Variants in CNTN1 observed in about 807,000 individuals in gnomAD.
CNTN1 encodes contactin 1, also known as contactin-1.
Under a neutral mutation model 126.4 loss-of-function variants are expected in CNTN1, and 38 were observed. The observed-to-expected ratio is 0.30, with a 90% CI of 0.23 to 0.39. CNTN1 has a LOEUF of 0.39. Among genes scored for constraint, CNTN1 ranks in the 10% least tolerant of loss-of-function variants. CNTN1 has a pLI of 1.00. For synonymous variants in CNTN1, 413 were observed against 422.6 expected (o/e 0.98, Z 0.28); for missense variants, 1,009 against 1,248.4 (o/e 0.81, Z 2.89).
chr12:40,805,399 T>C (rs2136492255), intron 1 of CNTN1, among the ~76,000 whole-genome samples: 1 of 152,206 alleles, frequency 6.6e-6, no homozygotes, highest in Admixed American at 6.6e-5. Flanking sequence ...TCTATTAGGC[T>C]ATCCTTAAGT....
chr12:40,809,100 G>T (rs1940959697), intron 1 of CNTN1, among the ~76,000 whole-genome samples: 1 of 151,980 alleles, frequency 6.6e-6, no homozygotes, highest in Non-Finnish European at 1.5e-5. Context: ...ATTTCTAATT[G>T]AAATATTGTG....
Position 40,787,222 on chromosome 12 carries a change from C to T in CNTN1, c.-77+94630C>T, listed in dbSNP as rs543980244. The stretch of plus-strand genomic sequence containing the variant: ...AAACCTTTATCTTTATAACTTTTAT[C>T]TTATATAATTTTCGAACAATTCCAT... On this transcript the variant is annotated intron_variant, in intron 1 of 23. Transcript: ENST00000551295. 3.4e-4 allele frequency among the ~76,000 whole-genome samples: 52 copies of T among 152,146 alleles called. No individual in the cohort carries two copies. The South Asian group carries it at 8.9e-3, about 26-fold the overall frequency.
At chr12:40,848,881 ACTT>A (rs1942615447) in intron 1 of CNTN1, among the ~76,000 whole-genome samples, 2 of 150,064 alleles carry the variant, frequency 1.3e-5, no homozygotes, top group Admixed American at 6.6e-5. Context: ...GAGAAAAATC[ACTT>A]CTTTCCCTAT....
At position 40,767,304 on chromosome 12, in the gene CNTN1, C is replaced by CTTTTTTTTTTT. The variant is rs10639318; in HGVS notation, c.-77+74724_-77+74734dup. 1.3e-4 allele frequency among the ~76,000 whole-genome samples: 12 copies of CTTTTTTTTTTT among 89,728 alleles called. 1 individual carries two copies. Among genetic ancestry groups the CTTTTTTTTTTT allele is most frequent in the Admixed American group, 4.9e-4 (3 of 6,162 alleles). The allele number at this position is 89,728 out of a possible 152,430, so 58.9% of individuals were successfully genotyped here. Reference sequence around the variant, plus strand: ...ATTATCTTATTTCTGCTGACCTTTCCTTTTTTTTTTTTTTTTTTTTTTGAG... The same window carrying CTTTTTTTTTTT: ...ATTATCTTATTTCTGCTGACCTTTCCTTTTTTTTTTTTTTTTTTTTTTTTTTTTTTTTTGAG... On this transcript the variant is annotated intron_variant, in intron 1 of 23. Coordinates refer to ENST00000551295, the MANE Select transcript of CNTN1 (RefSeq NM_001843.4).
Position 40,924,672 on chromosome 12 carries a change from G to A in CNTN1, c.496+20G>A. The A allele has an allele frequency of 7.6e-7, 1 of 1,311,820 alleles. No homozygotes were observed. The highest frequency in any genetic ancestry group is 1.1e-6 in the Non-Finnish European group (1 of 905,010). 81.3% of individuals were successfully genotyped at this position (1,311,820 alleles called of 1,614,324 possible). On this transcript the variant is annotated intron_variant, in intron 6 of 23. Coordinates refer to ENST00000551295, the MANE Select transcript of CNTN1 (RefSeq NM_001843.4). ...TTCCAGGTAAACTTAATTCCTCTCT[G>A]ACTATTAGCATCTATGAAACAAAAT...
At position 40,743,476 on chromosome 12, in the gene CNTN1, G is replaced by A. The variant is rs537972208; in HGVS notation, c.-77+50884G>A. Among the ~76,000 whole-genome samples, 3 of 152,158 alleles carry A rather than the reference G, an allele frequency of 2.0e-5. No homozygotes were observed. The South Asian group carries it at 6.2e-4, about 32-fold the overall frequency. ...ACTTATCTTTTTGTACATCAGTTTT[G>A]TCAACAATATGGTGCTAATACATAT... is the stretch of plus-strand genomic sequence containing the variant. On this transcript the variant is annotated intron_variant, in intron 1 of 23. Transcript: ENST00000551295.
intron 23 of CNTN1, among the ~76,000 whole-genome samples, chr12:41,032,254 C>G (rs1316896250): frequency 6.6e-6 from 1 of 151,854 alleles, no homozygotes; most frequent in African/African-American, 2.4e-5. Flanking sequence ...ATATAACTCT[C>G]CTGTTAGAAA....
At chr12:41,069,456 T>G (rs2121168274) in intron 23 of CNTN1, among the ~76,000 whole-genome samples, 1 of 152,212 alleles carries the variant, frequency 6.6e-6, no homozygotes, top group African/African-American at 2.4e-5. Context: ...ATTATTATAC[T>G]TTAAGTTTTA....
At chr12:40,956,774 G>C (rs1367595447) in intron 14 of CNTN1, among the ~76,000 whole-genome samples, 1 of 152,050 alleles carries the variant, frequency 6.6e-6, no homozygotes, top group African/African-American at 2.4e-5. Flanking sequence ...AAAGGTTTCA[G>C]TTTATCTGCT....
intron 1 of CNTN1, among the ~76,000 whole-genome samples, chr12:40,732,112 A>T (rs1205047010): frequency 6.6e-6 from 1 of 152,028 alleles, no homozygotes; most frequent in Non-Finnish European, 1.5e-5. Flanking sequence ...AGCTAGAGAA[A>T]TTGCTCATTA....
intron 15 of CNTN1, among the ~76,000 whole-genome samples, chr12:40,964,929 G>T (rs942638600): frequency 2.0e-5 from 3 of 152,108 alleles, no homozygotes; most frequent in African/African-American, 7.2e-5. Flanking sequence ...CATTAGCAGA[G>T]TTAATATCCA....
chr12:41,036,606 T>C (rs1405186581), intron 23 of CNTN1, among the ~76,000 whole-genome samples: 2 of 152,120 alleles, frequency 1.3e-5, no homozygotes, highest in Non-Finnish European at 2.9e-5. Flanking sequence ...ACAAGCAAGA[T>C]TTACCCAAGA....
At chr12:40,856,158 CTTAAG>C (rs373213762) in intron 1 of CNTN1, among the ~76,000 whole-genome samples, 85 of 152,122 alleles carry the variant, frequency 5.6e-4, no homozygotes, top group Middle Eastern at 3.4e-3. Context: ...ATAAATGTAT[CTTAAG>C]TTAATTATCT....
chr12:40,705,052 A>T (rs995604675), intron 1 of CNTN1, among the ~76,000 whole-genome samples: 1 of 152,208 alleles, frequency 6.6e-6, no homozygotes, highest in Non-Finnish European at 1.5e-5. Flanking sequence ...GATATATAGC[A>T]AGTGTAATTT....
At chr12:41,046,708 C>A (rs981950062) in intron 23 of CNTN1, among the ~76,000 whole-genome samples, 1 of 151,870 alleles carries the variant, frequency 6.6e-6, no homozygotes, top group Non-Finnish European at 1.5e-5. Context: ...AAATTTTTTT[C>A]TTTAATTTTG....
chr12:40,824,497 TTTTAGAGATGAAGAAA>T (rs1447855219), intron 1 of CNTN1, among the ~76,000 whole-genome samples: 2 of 152,172 alleles, frequency 1.3e-5, no homozygotes, highest in African/African-American at 2.4e-5. Context: ...AATATCTCAA[TTTTAGAGATGAAGAAA>T]TTGAGGCAGG....
At chr12:41,044,613 A>C (rs1217117510) in intron 23 of CNTN1, among the ~76,000 whole-genome samples, 1 of 152,112 alleles carries the variant, frequency 6.6e-6, no homozygotes, top group Non-Finnish European at 1.5e-5. Flanking sequence ...TTCTAAATTT[A>C]GAATGTTATA....
At chr12:40,738,410 AAAAC>A (rs1937791869) in intron 1 of CNTN1, among the ~76,000 whole-genome samples, 1 of 152,096 alleles carries the variant, frequency 6.6e-6, no homozygotes, top group African/African-American at 2.4e-5. Flanking sequence ...AATCTTTAGA[AAAAC>A]AATTTATGAA....
chr12:41,034,693 C>T (rs923562933), intron 23 of CNTN1, among the ~76,000 whole-genome samples: 2 of 152,142 alleles, frequency 1.3e-5, no homozygotes, highest in Admixed American at 1.3e-4. Context: ...TTTAGATTGA[C>T]AAATAGCTTA....
Sources: allele counts gnomAD v4.1 joint callset (sites outside exome capture counted in the v4.1 genomes callset), GRCh38; gene constraint gnomAD v4.1.1; transcripts MANE v1.5; gene names NCBI Gene and HGNC (gene_info 2026-07-23, HGNC 2026-07-21).